Variants in NEGR1 observed in about 807,000 individuals in gnomAD.
NEGR1 encodes the protein IgLON family member 4.
Under a neutral mutation model 40.9 loss-of-function variants are expected in NEGR1, and 10 were observed. The ratio of observed to expected loss-of-function variants is 0.24; its 90% confidence interval spans 0.15 to 0.42. The LOEUF is 0.42. Among genes scored for constraint, NEGR1 ranks in the 10% least tolerant of loss-of-function variants. The pLI is 1.00. For synonymous variants in NEGR1, 185 were observed against 166.8 expected (o/e 1.11, Z -0.84); for missense variants, 352 against 438.9 (o/e 0.80, Z 1.77).
intron 6 of NEGR1, among the ~76,000 whole-genome samples, chr1:71,419,016 G>A (rs1047552063): frequency 5.9e-5 from 9 of 152,298 alleles, no homozygotes; most frequent in African/African-American, 2.2e-4. Flanking sequence ...AACTGGTTGT[G>A]TGCAGGGCAA....
intron 1 of NEGR1, among the ~76,000 whole-genome samples, chr1:72,090,187 G>T (rs1311284189): frequency 1.3e-5 from 2 of 151,766 alleles, no homozygotes; most frequent in African/African-American, 2.4e-5. Flanking sequence ...TTTCCCCTGG[G>T]CTATTGACAC....
intron 2 of NEGR1, among the ~76,000 whole-genome samples, chr1:71,827,174 T>A (rs2101785217): frequency 6.6e-6 from 1 of 151,834 alleles, no homozygotes; most frequent in East Asian, 2.0e-4. Flanking sequence ...GGAGCTTTTT[T>A]TTCTATTCTA....
chr1:72,019,131 T>A (rs1286023937), intron 1 of NEGR1, among the ~76,000 whole-genome samples: 1 of 152,156 alleles, frequency 6.6e-6, no homozygotes, highest in Non-Finnish European at 1.5e-5. Context: ...TCTAGGATTA[T>A]TAGGCTTAAG....
intron 4 of NEGR1, among the ~76,000 whole-genome samples, chr1:71,616,709 G>A (rs1185295997): frequency 1.3e-5 from 2 of 152,092 alleles, no homozygotes; most frequent in Non-Finnish European, 2.9e-5. Flanking sequence ...ACTTCTGTCT[G>A]TACCTTTTTC....
At chr1:72,055,947 T>A (rs1647106370) in intron 1 of NEGR1, among the ~76,000 whole-genome samples, 1 of 150,662 alleles carries the variant, frequency 6.6e-6, no homozygotes, top group Admixed American at 6.7e-5. Context: ...AGTAAACTAC[T>A]CAATCTCTCT....
chr1:71,667,081 G>A (rs752723767), intron 4 of NEGR1, among the ~76,000 whole-genome samples: 2 of 152,142 alleles, frequency 1.3e-5, no homozygotes, highest in African/African-American at 2.4e-5. Flanking sequence ...AGAAATGTGA[G>A]CAGGGCTGTA....
chr1:72,255,679 T>C (rs938889960), intron 1 of NEGR1, among the ~76,000 whole-genome samples: 9 of 151,442 alleles, frequency 5.9e-5, no homozygotes, highest in Admixed American at 1.3e-4. Flanking sequence ...CCTCCCTGGG[T>C]AGCTGGGACT....
At chr1:71,802,649 G>A (rs543367287) in intron 2 of NEGR1, among the ~76,000 whole-genome samples, 27 of 152,306 alleles carry the variant, frequency 1.8e-4, no homozygotes, top group African/African-American at 6.0e-4. Flanking sequence ...CTGGAGAGCA[G>A]AGCATCTGGC....
chr1:71,458,678 A>G lies in NEGR1; in HGVS notation c.941-51108T>C, dbSNP rs141653987. On this transcript the variant is annotated intron_variant, in intron 6 of 6. Transcript: ENST00000357731. ...GTGTCTGGCATATATGGCACATAAT[A>G]CATATCCATTAAGTGGATGAATGAC... Among the ~76,000 whole-genome samples, 1,462 of 152,282 alleles carry G rather than the reference A, an allele frequency of 9.6e-3. 27 individuals are homozygous for G. Among genetic ancestry groups the G allele is most frequent in the African/African-American group, 0.034 (1,406 of 41,540 alleles).
At chr1:72,172,292 C>T (rs1651991828) in intron 1 of NEGR1, among the ~76,000 whole-genome samples, 1 of 152,066 alleles carries the variant, frequency 6.6e-6, no homozygotes, top group Admixed American at 6.6e-5. Context: ...GTCATTAGAA[C>T]CAAACACCAT....
chr1:72,142,319 C>T (rs187128514), intron 1 of NEGR1, among the ~76,000 whole-genome samples: 28 of 151,768 alleles, frequency 1.8e-4, no homozygotes, highest in Non-Finnish European at 3.7e-4. Context: ...GATACATGGA[C>T]ATAAAAAATG....
chr1:71,914,263 TG>T (rs1211473702), intron 2 of NEGR1, among the ~76,000 whole-genome samples: 3 of 152,252 alleles, frequency 2.0e-5, no homozygotes, highest in Admixed American at 6.5e-5. Context: ...TGACTCATCT[TG>T]GGGCCAGCTT....
intron 3 of NEGR1, among the ~76,000 whole-genome samples, chr1:71,705,449 C>T (rs1653855694): frequency 2.0e-5 from 3 of 152,108 alleles, no homozygotes; most frequent in South Asian, 4.1e-4. Flanking sequence ...GAAAAGACAC[C>T]ATTAATTACA....
intron 1 of NEGR1, among the ~76,000 whole-genome samples, chr1:72,166,877 C>T (rs1332994311): frequency 6.6e-6 from 1 of 151,814 alleles, no homozygotes; most frequent in Non-Finnish European, 1.5e-5. Flanking sequence ...TATATATATA[C>T]ACAATTATAA....
chr1:72,004,163 C>T (rs1211527558), intron 1 of NEGR1, among the ~76,000 whole-genome samples: 1 of 151,574 alleles, frequency 6.6e-6, no homozygotes, highest in African/African-American at 2.4e-5. Flanking sequence ...TATTTATTTT[C>T]ATAATATAAT....
intron 3 of NEGR1, among the ~76,000 whole-genome samples, chr1:71,735,722 C>T (rs749767136): frequency 1.4e-4 from 22 of 151,932 alleles, no homozygotes; most frequent in Non-Finnish European, 2.8e-4. Context: ...TAAATAATTA[C>T]GTGCAATAGA....
intron 1 of NEGR1, among the ~76,000 whole-genome samples, chr1:72,002,858 C>T (rs939163208): frequency 2.0e-5 from 3 of 152,178 alleles, no homozygotes; most frequent in East Asian, 1.9e-4. Flanking sequence ...AAGGACACAT[C>T]GAATGTAAAA....
At chr1:71,825,244 G>GT (rs1479560260) in intron 2 of NEGR1, among the ~76,000 whole-genome samples, 2 of 151,910 alleles carry the variant, frequency 1.3e-5, no homozygotes, top group Non-Finnish European at 2.9e-5. Flanking sequence ...GGCTAATGAG[G>GT]TAGAGCTTCT....
chr1:72,125,143 G>A (rs2100299497), intron 1 of NEGR1, among the ~76,000 whole-genome samples: 1 of 152,088 alleles, frequency 6.6e-6, no homozygotes, highest in Admixed American at 6.5e-5. Flanking sequence ...AAATGGTATT[G>A]CTAGAATAAC....
Sources: gnomAD v4.1 joint callset for allele counts (sites outside exome capture counted in the v4.1 genomes callset) on GRCh38, gnomAD v4.1.1 for gene constraint, MANE v1.5 for transcripts, NCBI Gene and HGNC (gene_info 2026-07-23, HGNC 2026-07-21) for gene names.